The following NPAS3 variants were observed in gnomAD, a reference collection of about 807,000 sequenced individuals.
The protein encoded by NPAS3 is neuronal PAS domain-containing protein 3.
A neutral mutation model predicts 73.1 loss-of-function variants in NPAS3; 14 were observed. That is an observed-to-expected ratio of 0.19 (90% confidence interval 0.13 to 0.30). The LOEUF (loss-of-function observed/expected upper bound fraction) is 0.30, where lower values mean the gene tolerates loss of function less well. Ranked by LOEUF, NPAS3 falls within the 10% of genes least tolerant of loss-of-function variation. The probability of loss-of-function intolerance (pLI) is 1.00; values close to 1 mark genes in which losing one functional copy is unlikely to be tolerated. For synonymous variants in NPAS3, 620 were observed against 541.5 expected (o/e 1.14, Z -2.01); for missense variants, 1,096 against 1,250.0 (o/e 0.88, Z 1.86).
intron 5 of NPAS3, among the ~76,000 whole-genome samples, chr14:33,655,490 A>C (rs534617951): frequency 6.6e-6 from 1 of 152,128 alleles, no homozygotes; most frequent in African/African-American, 2.4e-5. Flanking sequence ...ACTTAACAGC[A>C]CTTTTCTACT....
At chr14:33,312,603 T>C (rs2140200805) in intron 3 of NPAS3, among the ~76,000 whole-genome samples, 1 of 152,246 alleles carries the variant, frequency 6.6e-6, no homozygotes, top group South Asian at 2.1e-4. Context: ...AAATTACCGA[T>C]CACGTCTTTA....
chr14:33,427,436 G>A (rs2048601808), intron 4 of NPAS3, among the ~76,000 whole-genome samples: 1 of 151,496 alleles, frequency 6.6e-6, no homozygotes, highest in African/African-American at 2.4e-5. Context: ...CAACCAGAAA[G>A]GCATTACTTT....
intron 1 of NPAS3, among the ~76,000 whole-genome samples, chr14:32,967,509 A>T (rs758146246): frequency 6.6e-6 from 1 of 152,194 alleles, no homozygotes; most frequent in Non-Finnish European, 1.5e-5. Flanking sequence ...AAAAAATCTG[A>T]TTAAAGAATG....
At position 33,800,136 on chromosome 14, in the gene NPAS3, G is replaced by A. The variant is rs753158908; in HGVS notation, c.1829G>A (p.Gly610Asp). Reference sequence around the variant, plus strand: ...AAAAGGCGGAAACGGCAAAAGGGCGGCAGCGCCAGCCGCCGGCGCCTGTCC... The same window carrying A: ...AAAAGGCGGAAACGGCAAAAGGGCGACAGCGCCAGCCGCCGGCGCCTGTCC... The change falls in exon 12 of 12, where the codon GGC becomes GAC. Residue 610 changes from glycine (G) to aspartate (D), a missense_variant. By Grantham distance (94) the Gly-to-Asp change is moderately conservative (BLOSUM62 -1). Coordinates refer to ENST00000356141, the Ensembl canonical transcript of NPAS3. This position sits in a 1 kb window ranked among gnomAD's most constrained non-coding sequence, Gnocchi z 6.5. The A allele has an allele frequency of 6.3e-7, 1 of 1,583,686 alleles. No individual in the cohort carries two copies. The highest frequency in any genetic ancestry group is 1.1e-5 in the South Asian group (1 of 88,674).
At chr14:33,542,174 C>G (rs574643623) in intron 4 of NPAS3, among the ~76,000 whole-genome samples, 91 of 152,274 alleles carry the variant, frequency 6.0e-4, no homozygotes, top group Non-Finnish European at 1.1e-3. Flanking sequence ...CATATATTCA[C>G]AAAATTAGTG....
At chr14:33,017,244 T>A (rs1595236030) in intron 1 of NPAS3, among the ~76,000 whole-genome samples, 1 of 152,238 alleles carries the variant, frequency 6.6e-6, no homozygotes, top group East Asian at 1.9e-4. Flanking sequence ...AACTACCAAA[T>A]GGATGAATTG....
chr14:33,286,841 A>C (rs2041896531), intron 3 of NPAS3, among the ~76,000 whole-genome samples: 2 of 152,196 alleles, frequency 1.3e-5, no homozygotes, highest in Admixed American at 1.3e-4. Flanking sequence ...AAAAGAAACA[A>C]AGGTATATCC....
intron 2 of NPAS3, chr14:33,214,110 A>G (rs1437552443): frequency 6.6e-6 from 1 of 152,208 alleles, no homozygotes; most frequent in Non-Finnish European, 1.5e-5. Context: ...TCAGAATTCA[A>G]TAAAATGCAT....
chr14:33,029,501 T>C (rs1177693547), intron 1 of NPAS3, among the ~76,000 whole-genome samples: 3 of 152,146 alleles, frequency 2.0e-5, no homozygotes, highest in Non-Finnish European at 2.9e-5. Context: ...ATAGTTCTCT[T>C]TTATTAAAGA....
At chr14:33,443,101 G>C (rs2049327032) in intron 4 of NPAS3, among the ~76,000 whole-genome samples, 1 of 152,148 alleles carries the variant, frequency 6.6e-6, no homozygotes, top group Admixed American at 6.5e-5. Flanking sequence ...GCTTCCCTCA[G>C]TTAACACTGA....
intron 4 of NPAS3, among the ~76,000 whole-genome samples, chr14:33,394,213 T>C (rs938431141): frequency 6.6e-6 from 1 of 152,210 alleles, no homozygotes; most frequent in South Asian, 2.1e-4. Flanking sequence ...GCTGAAGAGA[T>C]GCTGATTGCT....
downstream of NPAS3, chr14:33,801,482 A>C (rs115597475): frequency 1.1e-3 from 292 of 269,786 alleles, no homozygotes; most frequent in African/African-American, 6.3e-3. Flanking sequence ...GGGTTTCTTC[A>C]TAAAGATCTT....
At chr14:33,664,580 A>G (rs969644331) in intron 5 of NPAS3, among the ~76,000 whole-genome samples, 1 of 152,224 alleles carries the variant, frequency 6.6e-6, no homozygotes, top group African/African-American at 2.4e-5. Context: ...TGAACAGGCA[A>G]TCTACAGAAT....
intron 4 of NPAS3, among the ~76,000 whole-genome samples, chr14:33,412,711 C>A (rs1035569961): frequency 2.6e-5 from 4 of 152,128 alleles, no homozygotes; most frequent in Non-Finnish European, 5.9e-5. Flanking sequence ...TGGTTTTAGG[C>A]AAGCCACCTA....
chr14:33,496,827 A>G (rs750105252), intron 4 of NPAS3, among the ~76,000 whole-genome samples: 4 of 152,156 alleles, frequency 2.6e-5, no homozygotes, highest in Non-Finnish European at 4.4e-5. Context: ...CCTATTCAAC[A>G]TAGTATTGGA....
intron 3 of NPAS3, among the ~76,000 whole-genome samples, chr14:33,314,735 G>T (rs1339772533): frequency 6.6e-6 from 1 of 151,980 alleles, no homozygotes; most frequent in African/African-American, 2.4e-5. Flanking sequence ...AATAGGAAGG[G>T]AACCTTCTAC....
upstream of NPAS3, among the ~76,000 whole-genome samples, chr14:32,938,485 T>TAGAGAGAGAGAGAGAGAGAGAGAG (rs1491191135): frequency 6.7e-3 from 146 of 21,748 alleles, 20 homozygotes; most frequent in East Asian, 0.025. Flanking sequence ...GAGAGAGAAA[T>TAGAGAGAGAGAGAGAGAGAGAGAG]TGAGAGAGAG....
intron 3 of NPAS3, among the ~76,000 whole-genome samples, chr14:33,276,132 C>A (rs10149935): frequency 0.81 from 122,831 of 152,050 alleles, 50,163 homozygotes; most frequent in African/African-American, 0.93. Flanking sequence ...ATTAGATCTT[C>A]GGTTATGTTA....
intron 7 of NPAS3, among the ~76,000 whole-genome samples, chr14:33,762,554 CTTTG>C (rs1448084510): frequency 6.6e-6 from 1 of 151,996 alleles, no homozygotes; most frequent in Non-Finnish European, 1.5e-5. Context: ...GAATGTGCAT[CTTTG>C]TTTGGGGGCT....
Sources: gnomAD v4.1 joint callset for allele counts (sites outside exome capture counted in the v4.1 genomes callset) on GRCh38, gnomAD v4.1.1 for gene constraint, Gnocchi (gnomAD v3.1) non-coding constraint, MANE v1.5 for transcripts, NCBI Gene and HGNC (gene_info 2026-07-23, HGNC 2026-07-21) for gene names.